MGA: variants seen among roughly 807,000 people sequenced by gnomAD.
MGA encodes MAX dimerization protein MGA.
Under a neutral mutation model 261.1 loss-of-function variants are expected in MGA, and 40 were observed. The ratio of observed to expected loss-of-function variants is 0.15; its 90% confidence interval spans 0.12 to 0.20. The LOEUF (loss-of-function observed/expected upper bound fraction) is 0.20. Ranked by LOEUF, MGA falls within the 10% of genes least tolerant of loss-of-function variation. MGA has a pLI of 1.00. For synonymous variants in MGA, 1,302 were observed against 1,290.6 expected, an observed-to-expected ratio of 1.01 and a Z score of -0.19; for missense variants, 3,397 against 3,630.5, an observed-to-expected ratio of 0.94 and a Z score of 1.65.
chr15:41,710,458 G>T (rs1053828338), intron 7 of MGA, among the ~76,000 whole-genome samples: 17 of 152,054 alleles, frequency 1.1e-4, no homozygotes, highest in African/African-American at 4.1e-4. Context: ...TAGGGACAGG[G>T]TCCTTGTTAC....
chr15:41,631,669 AAG>A lies in MGA; in HGVS notation c.-68+10375_-68+10376del, dbSNP rs570905201. 1.1e-4 allele frequency among the ~76,000 whole-genome samples: 16 copies of A among 152,262 alleles called. No individual in the cohort carries two copies. The South Asian group carries it at 2.9e-3, about 28-fold the overall frequency. ...CCACTTAAAGGGGTGGAGGGGGAGAAAGAGAACCTGGAGAACAAATTTTGTGT... is the reference window on the plus strand; with the variant it reads ...CCACTTAAAGGGGTGGAGGGGGAGAAAGAACCTGGAGAACAAATTTTGTGT... On this transcript the variant is annotated intron_variant, in intron 1 of 8. Transcript: ENST00000566718.
At chr15:41,728,041 A>C (rs2061335422) in intron 10 of MGA, among the ~76,000 whole-genome samples, 1 of 152,168 alleles carries the variant, frequency 6.6e-6, no homozygotes, top group Non-Finnish European at 1.5e-5. Context: ...TGAAATAAGC[A>C]AGGGTGGGCC....
intron 1 of MGA, among the ~76,000 whole-genome samples, chr15:41,625,694 A>G: frequency 6.6e-6 from 1 of 152,170 alleles, no homozygotes; most frequent in East Asian, 1.9e-4. Context: ...AGCCTGGGCG[A>G]CAGAGTGTGT....
intron 1 of MGA, among the ~76,000 whole-genome samples, chr15:41,624,239 A>AT (rs879798959): frequency 1.6e-3 from 218 of 138,542 alleles, no homozygotes; most frequent in Admixed American, 1.9e-3. Flanking sequence ...TAATTTTTGT[A>AT]TTTTTTTTTT....
In MGA at chr15:41,668,970, G is replaced by A. The variant is rs772929245; in HGVS notation, c.76G>A (p.Val26Ile). 3 of 1,611,862 alleles carry A rather than the reference G, an allele frequency of 1.9e-6. No individual in the cohort carries two copies. The South Asian group carries it at 3.3e-5, about 18-fold the overall frequency. ...GGCAGGAGCAGCACCTACCTTCTTT[G>A]TCATCTTAAAGCAGCCAGGAAATGG... The change falls in exon 2 of 24, where the codon GTC (valine) becomes ATC (isoleucine). Residue 26 changes from valine to isoleucine, a missense_variant. Coordinates refer to ENST00000219905, the MANE Select transcript of MGA (RefSeq NM_001164273.2).
intron 1 of MGA, among the ~76,000 whole-genome samples, chr15:41,632,719 C>T (rs945682978): frequency 1.3e-5 from 2 of 151,642 alleles, no homozygotes; most frequent in South Asian, 2.1e-4. Flanking sequence ...TGCAATAAAG[C>T]GTTTCTTTTC....
At chr15:41,706,217 A>G (rs901522569) in intron 5 of MGA, among the ~76,000 whole-genome samples, 3 of 147,946 alleles carry the variant, frequency 2.0e-5, no homozygotes, top group Non-Finnish European at 4.5e-5. Context: ...AGTCTGGGCA[A>G]CAGAGTGAGA....
At position 41,713,417 on chromosome 15, in the gene MGA, G is replaced by T; in HGVS notation, c.3351G>T (p.Glu1117Asp). ...TATTTTATGATACTCTGGGAGAGGA[G>T]GCAAGGGAGGAGGAAGAAGGAATCA... Residue 1117 changes from glutamate to aspartate, a missense_variant, in exon 9 of 24, where the codon GAG becomes GAT. Physicochemically the swap from Glu to Asp is conservative, Grantham distance 45 (BLOSUM62 2). Transcript: ENST00000219905. 1 of 1,585,184 alleles carries T rather than the reference G, an allele frequency of 6.3e-7. No individual in the cohort carries two copies. The highest frequency in any genetic ancestry group is 8.6e-7 in the Non-Finnish European group (1 of 1,164,660).
chr15:41,730,022 A>G (rs1417862502), intron 11 of MGA, among the ~76,000 whole-genome samples: 1 of 151,940 alleles, frequency 6.6e-6, no homozygotes, highest in East Asian at 2.0e-4. Flanking sequence ...CCTCCTGGGT[A>G]ACTGAGATTA....
intron 1 of MGA, among the ~76,000 whole-genome samples, chr15:41,654,030 C>G (rs1034747573): frequency 1.3e-5 from 2 of 152,152 alleles, no homozygotes; most frequent in Admixed American, 1.3e-4. Context: ...GCTTCTTAAT[C>G]TTGTGGCTGT....
intron 11 of MGA, among the ~76,000 whole-genome samples, chr15:41,733,175 C>G (rs895623463): frequency 6.6e-6 from 1 of 152,092 alleles, no homozygotes; most frequent in Non-Finnish European, 1.5e-5. Context: ...CCAGGCTGAT[C>G]TTGAACTTCT....
chr15:41,728,230 C>CTG (rs1276371663), intron 10 of MGA, among the ~76,000 whole-genome samples: 1 of 152,118 alleles, frequency 6.6e-6, no homozygotes, highest in Non-Finnish European at 1.5e-5. Context: ...ACTCGGTAGG[C>CTG]TGAGGCAGGA....
At chr15:41,763,573 G>A (rs1451342338) in intron 22 of MGA, among the ~76,000 whole-genome samples, 1 of 151,810 alleles carries the variant, frequency 6.6e-6, no homozygotes, top group Non-Finnish European at 1.5e-5. Flanking sequence ...GAGAAACCCT[G>A]TCTCTACTAA....
Position 41,754,479 on chromosome 15 carries a change from G to A in MGA, c.7051G>A (p.Asp2351Asn). The A allele has an allele frequency of 1.3e-6, 2 of 1,562,734 alleles. No homozygotes were observed. Among genetic ancestry groups the A allele is most frequent in the East Asian group, 2.3e-5 (1 of 42,618 alleles). Residue 2351 changes from aspartate to asparagine, a missense_variant, in exon 18 of 24, where the codon GAC becomes AAC. Around this residue, in one of 9 missense-constraint regions of MGA, gnomAD observed 1,410 missense variants for 1,386.4 expected, o/e 1.02. Coordinates refer to ENST00000219905, the MANE Select transcript of MGA (RefSeq NM_001164273.2). ...CATTGAGGATGATGAGGAGCACGTG[G>A]ACATTGAGACTGTAGAAGAGCTCTC...
rs202119156 is a variant in MGA at position 41,623,775 on chromosome 15, ATTTTTT to A, written c.-68+2488_-68+2493del. 5.0e-3 allele frequency among the ~76,000 whole-genome samples: 554 copies of A among 110,744 alleles called. 2 individuals carry two copies. The highest frequency in any genetic ancestry group is 0.017 in the African/African-American group (510 of 29,514). 72.7% of individuals were successfully genotyped at this position (110,744 alleles called of 152,430 possible). ...GTGAATTATTTATATATATATATAT[ATTTTTT>A]TTTTTTTTTTGAGAGGGAGTTTCGG... is the stretch of plus-strand genomic sequence containing the variant. On this transcript the variant is annotated intron_variant, in intron 1 of 8. Transcript: ENST00000566718.
Position 41,749,206 on chromosome 15 carries a change from G to C in MGA, c.5599G>C (p.Val1867Leu). ...CTCTGCTTTCTCTGTCATGAATCCT[G>C]TAATTCAAGCTGTTGGGTCTTCTTC... Residue 1867 changes from valine to leucine, a missense_variant, in exon 17 of 24, where the codon GTA (valine) becomes CTA (leucine). Physicochemically the swap from Val to Leu is conservative, Grantham distance 32. Coordinates refer to ENST00000219905, the MANE Select transcript of MGA (RefSeq NM_001164273.2). 1 of 1,613,992 alleles carries C rather than the reference G, an allele frequency of 6.2e-7. No homozygotes were observed.
At chr15:41,661,657 G>A (rs2057410006) in intron 1 of MGA, among the ~76,000 whole-genome samples, 1 of 152,172 alleles carries the variant, frequency 6.6e-6, no homozygotes, top group Admixed American at 6.5e-5. Context: ...TGGATCATGA[G>A]AAGTCTCGAG....
upstream of MGA, among the ~76,000 whole-genome samples, chr15:41,656,255 AGGCAAGGGTGAGGAACGTGGTTAT>A (rs2057167385): frequency 6.6e-6 from 1 of 151,848 alleles, no homozygotes; most frequent in Admixed American, 6.6e-5. Context: ...CAATCTTCTT[AGGCAAGGGTGAGGAACGTGGTTAT>A]GTGGGCTTGA....
At chr15:41,648,237 G>A (rs918663038) in intron 1 of MGA, among the ~76,000 whole-genome samples, 1 of 152,230 alleles carries the variant, frequency 6.6e-6, no homozygotes, top group African/African-American at 2.4e-5. Context: ...CATTAAAAGT[G>A]TGAACTTTGG....
Sources: allele counts gnomAD v4.1 joint callset (sites outside exome capture counted in the v4.1 genomes callset), GRCh38; gene constraint gnomAD v4.1.1; regional missense constraint gnomAD v4.1.1; transcripts MANE v1.5; gene names NCBI Gene and HGNC (gene_info 2026-07-23, HGNC 2026-07-21).